The following GDAP1L1 variants were observed in gnomAD, a reference collection of about 807,000 sequenced individuals.
GDAP1L1 encodes ganglioside induced differentiation associated protein 1 like 1, also known as ganglioside-induced differentiation-associated protein 1-like 1.
A neutral mutation model predicts 37.1 loss-of-function variants in GDAP1L1; 21 were observed. The observed-to-expected ratio is 0.57, with a 90% confidence interval of 0.40 to 0.81. The LOEUF (loss-of-function observed/expected upper bound fraction) is 0.81. Ranked by LOEUF, GDAP1L1 falls within the 40% of genes least tolerant of loss-of-function variation. GDAP1L1 has a pLI of 0.00. For synonymous variants in GDAP1L1, 193 were observed against 209.1 expected (o/e 0.92, Z 0.67); for missense variants, 362 against 491.6 (o/e 0.74, Z 2.49).
chr20:44,258,271 C>T (rs759624826), intron 2 of GDAP1L1, 163 bp from the exon 3 acceptor site: 33 of 753,284 alleles, frequency 4.4e-5, no homozygotes, highest in African/African-American at 8.6e-5. Context: ...GAGAGATGGC[C>T]GGGCCACCAC....
Position 44,265,928 on chromosome 20 carries a change from C to G in GDAP1L1, c.760+1369C>G, listed in dbSNP as rs568202933. Among the ~76,000 whole-genome samples the G allele has an allele frequency of 3.9e-5, 6 of 152,286 alleles. No individual in the cohort carries two copies. In the South Asian group the frequency reaches 1.2e-3, roughly 32 times the overall value. Reference sequence around the variant, plus strand: ...CTTATGTCCCGAACAGAGACATCATCATGCATACTGAAGCCAGCTGCCTTA... The same window carrying G: ...CTTATGTCCCGAACAGAGACATCATGATGCATACTGAAGCCAGCTGCCTTA... On this transcript the variant is annotated intron_variant, in intron 5 of 5. Transcript: ENST00000342560.
At position 44,275,793 on chromosome 20, in the gene GDAP1L1, T is replaced by C. The variant is rs1033077030; in HGVS notation, c.761-3164T>C. 5.9e-5 allele frequency among the ~76,000 whole-genome samples: 9 copies of C among 152,266 alleles called. 1 individual carries two copies. On this transcript the variant is annotated intron_variant, in intron 5 of 5. Transcript: ENST00000342560. ...CTCCAGAATTTCAGGTCAAAACAAC[T>C]AGGAGAAAATATTGCACAAACAAGT... is the stretch of plus-strand genomic sequence containing the variant.
chr20:44,276,348 A>AGG (rs1386936890), intron 5 of GDAP1L1, among the ~76,000 whole-genome samples: 1 of 145,966 alleles, frequency 6.9e-6, no homozygotes, highest in Non-Finnish European at 1.5e-5. Flanking sequence ...GAAAGAAAGA[A>AGG]AGAAGGAAAG....
At chr20:44,252,535 G>A (rs2073464822) in intron 1 of GDAP1L1, among the ~76,000 whole-genome samples, 1 of 152,248 alleles carries the variant, frequency 6.6e-6, no homozygotes, top group Non-Finnish European at 1.5e-5. Context: ...AGCTACTCGG[G>A]AGGCTGAGAC....
At position 44,272,369 on chromosome 20, in the gene GDAP1L1, C is replaced by A. The variant is rs553451222; in HGVS notation, c.761-6588C>A. 4.6e-4 allele frequency among the ~76,000 whole-genome samples: 70 copies of A among 152,248 alleles called. No individual in the cohort carries two copies. The South Asian group carries it at 0.014, about 31-fold the overall frequency. On this transcript the variant is annotated intron_variant, in intron 5 of 5. Coordinates refer to ENST00000342560, the MANE Select transcript of GDAP1L1 (RefSeq NM_024034.6). ...GAAAGCTGCTATCTTCTGAACGAAC[C>A]ATGAGGTGATGTCATTGGCTGAGAG... is the stretch of plus-strand genomic sequence containing the variant.
chr20:44,279,725 T>C lies in GDAP1L1; in HGVS notation c.*425T>C, dbSNP rs2062622643. 2.1e-6 allele frequency: 1 copy of C among 473,200 alleles called. No individual in the cohort carries two copies. The allele number at this position is 473,200 out of a possible 1,614,324, so 29.3% of individuals were successfully genotyped here. ...TCCCCTTCCCTCTTGCCCAGGGAACTCTTCCACAGGACAAAGCCGACATCA... is the reference window on the plus strand; with the variant it reads ...TCCCCTTCCCTCTTGCCCAGGGAACCCTTCCACAGGACAAAGCCGACATCA... On this transcript the variant is annotated 3_prime_UTR_variant, in exon 6 of 6. Coordinates refer to ENST00000342560, the MANE Select transcript of GDAP1L1 (RefSeq NM_024034.6).
At chr20:44,262,883 C>CT (rs376460830) in intron 3 of GDAP1L1, among the ~76,000 whole-genome samples, 19 of 147,060 alleles carry the variant, frequency 1.3e-4, no homozygotes, top group South Asian at 2.2e-4. Flanking sequence ...ACCTGGCTAA[C>CT]TTTTTTTTTT....
intron 5 of GDAP1L1, among the ~76,000 whole-genome samples, chr20:44,274,987 G>C (rs1186359090): frequency 6.6e-6 from 1 of 152,120 alleles, no homozygotes; most frequent in Non-Finnish European, 1.5e-5. Context: ...CGACCTTCCG[G>C]GCTCGAGCCA....
chr20:44,276,759 G>A (rs1193985594), intron 5 of GDAP1L1, among the ~76,000 whole-genome samples: 3 of 152,216 alleles, frequency 2.0e-5, no homozygotes, highest in Non-Finnish European at 4.4e-5. Context: ...AGACAAGACA[G>A]ACCAAAATCC....
rs397756226 is a variant in GDAP1L1 at position 44,270,164 on chromosome 20, A to ATTTT, written c.760+5626_760+5629dup. ...ACTGCTGTCAACCTCAGTGTCTTAAATTTTTTTTTTTTTTTTTTTTTTTTG... is the reference window on the plus strand; with the variant it reads ...ACTGCTGTCAACCTCAGTGTCTTAAATTTTTTTTTTTTTTTTTTTTTTTTTTTTG... On this transcript the variant is annotated intron_variant, in intron 5 of 5. Transcript: ENST00000342560. Among the ~76,000 whole-genome samples, 71 of 100,590 alleles carry ATTTT rather than the reference A, an allele frequency of 7.1e-4. 1 individual carries two copies. The highest frequency in any genetic ancestry group is 2.6e-3 in the East Asian group (8 of 3,032). 66.0% of individuals were successfully genotyped at this position (100,590 alleles called of 152,430 possible).
At chr20:44,265,302 TC>T (rs1189436147) in intron 5 of GDAP1L1, 1 of 985,230 alleles carries the variant, frequency 1.0e-6, no homozygotes, top group Non-Finnish European at 1.2e-6. Flanking sequence ...GGAGCACCCT[TC>T]CTACACCACT....
At chr20:44,258,192 C>CTG (rs1470999088) in intron 2 of GDAP1L1, 3 of 717,644 alleles carry the variant, frequency 4.2e-6, no homozygotes, top group African/African-American at 1.7e-5. Context: ...GGTCTAGGAC[C>CTG]CCGCCTGGCA....
intron 5 of GDAP1L1, among the ~76,000 whole-genome samples, chr20:44,267,703 G>C (rs980801732): frequency 1.3e-5 from 2 of 152,156 alleles, no homozygotes; most frequent in African/African-American, 4.8e-5. Flanking sequence ...TGCATGTAAG[G>C]GGCTTAGCAC....
At chr20:44,269,767 T>G (rs907394053) in intron 5 of GDAP1L1, among the ~76,000 whole-genome samples, 1 of 152,052 alleles carries the variant, frequency 6.6e-6, no homozygotes, top group Non-Finnish European at 1.5e-5. Flanking sequence ...CTGTCTCTAC[T>G]AAAAATACAA....
rs765216745 is a variant in GDAP1L1, at chr20:44,279,310, T to C, written c.*10T>C. 3.1e-5 allele frequency: 48 copies of C among 1,540,112 alleles called. No homozygotes were observed. The highest frequency in any genetic ancestry group is 3.9e-5 in the Non-Finnish European group (44 of 1,118,474). On this transcript the variant is annotated 3_prime_UTR_variant, in exon 6 of 6. Coordinates refer to ENST00000342560, the MANE Select transcript of GDAP1L1 (RefSeq NM_024034.6). ...GAAAAAATACATCTAGGGCCAGGCC[T>C]GGGGCTTGGTGTCTGACTGTCGGTG...
intron 5 of GDAP1L1, among the ~76,000 whole-genome samples, chr20:44,275,306 G>A (rs1377695040): frequency 6.6e-6 from 1 of 152,104 alleles, no homozygotes; most frequent in Non-Finnish European, 1.5e-5. Context: ...ACATTGTATT[G>A]TGTCGTGTCT....
chr20:44,277,632 A>G (rs2062597267), intron 5 of GDAP1L1, among the ~76,000 whole-genome samples: 1 of 152,202 alleles, frequency 6.6e-6, no homozygotes, highest in Non-Finnish European at 1.5e-5. Context: ...TCCGACATTT[A>G]AACTTTAACA....
chr20:44,271,851 G>A (rs544183978), intron 5 of GDAP1L1, among the ~76,000 whole-genome samples: 1 of 152,212 alleles, frequency 6.6e-6, no homozygotes, highest in African/African-American at 2.4e-5. Flanking sequence ...AATGGAAGAC[G>A]GTTCAATAAA....
At chr20:44,271,548 T>C (rs184566126) in intron 5 of GDAP1L1, among the ~76,000 whole-genome samples, 1 of 152,222 alleles carries the variant, frequency 6.6e-6, no homozygotes, top group East Asian at 1.9e-4. Context: ...CAGATTGGAA[T>C]GGACTGAAGA....
Sources: gnomAD v4.1 joint callset for allele counts (sites outside exome capture counted in the v4.1 genomes callset) on GRCh38, gnomAD v4.1.1 for gene constraint, MANE v1.5 for transcripts, NCBI Gene and HGNC (gene_info 2026-07-23, HGNC 2026-07-21) for gene names.